TOX: variants seen among roughly 807,000 people sequenced by gnomAD.
TOX encodes the protein thymocyte selection-associated high mobility group box protein TOX.
In TOX, 11 loss-of-function variants were observed where a neutral mutation model predicts 53.7. That is an observed-to-expected ratio of 0.20 (90% CI 0.13 to 0.34). TOX has a LOEUF of 0.34. Ranked by LOEUF, TOX falls within the 10% of genes least tolerant of loss-of-function variation. The pLI is 1.00. For missense variants in TOX, 570 were observed against 664.6 expected, an observed-to-expected ratio of 0.86 and a Z score of 1.56; for synonymous variants, 225 against 245.3, an observed-to-expected ratio of 0.92 and a Z score of 0.77.
intron 3 of TOX, among the ~76,000 whole-genome samples, chr8:58,896,926 T>C (rs1811659262): frequency 6.6e-6 from 1 of 152,242 alleles, no homozygotes; most frequent in Admixed American, 6.5e-5. Flanking sequence ...ATAAGCATTC[T>C]GTCTTAAGTA....
chr8:58,818,259 T>C (rs936514780), intron 6 of TOX, among the ~76,000 whole-genome samples: 1 of 152,190 alleles, frequency 6.6e-6, no homozygotes, highest in Non-Finnish European at 1.5e-5. Context: ...TTTTAATCAC[T>C]AGAATAACTA....
chr8:59,019,416 C>T (rs932300862), intron 1 of TOX, among the ~76,000 whole-genome samples: 1 of 152,070 alleles, frequency 6.6e-6, no homozygotes, highest in Non-Finnish European at 1.5e-5. Flanking sequence ...CCTTTAATGT[C>T]CCACTAGGCA....
chr8:59,098,885 C>T (rs183764440), intron 1 of TOX, among the ~76,000 whole-genome samples: 71 of 152,052 alleles, frequency 4.7e-4, no homozygotes, highest in African/African-American at 1.6e-3. Flanking sequence ...CTTTAATATG[C>T]TCCAGTTGCC....
At chr8:58,895,720 C>A (rs72649495) in intron 3 of TOX, among the ~76,000 whole-genome samples, 11,177 of 152,294 alleles carry the variant, frequency 0.073, 701 homozygotes, top group East Asian at 0.2. Context: ...GCCACAACTC[C>A]ATTTTTCTCT....
At chr8:59,070,837 T>C (rs1282188225) in intron 1 of TOX, among the ~76,000 whole-genome samples, 1 of 152,146 alleles carries the variant, frequency 6.6e-6, no homozygotes, top group Non-Finnish European at 1.5e-5. Flanking sequence ...GAGGTAAGAA[T>C]GTACAATTAC....
At chr8:59,037,202 G>T (rs1803481855) in intron 1 of TOX, among the ~76,000 whole-genome samples, 2 of 148,916 alleles carry the variant, frequency 1.3e-5, no homozygotes, top group Non-Finnish European at 1.5e-5. Flanking sequence ...CTTTATCTTG[G>T]CCCTCTCTGT....
chr8:59,033,869 T>C (rs1250035693), intron 1 of TOX, among the ~76,000 whole-genome samples: 1 of 152,190 alleles, frequency 6.6e-6, no homozygotes, highest in East Asian at 1.9e-4. Flanking sequence ...GCTGCTCCTG[T>C]GACCTTAGCA....
chr8:58,851,623 G>T lies in TOX; in HGVS notation c.594C>A (p.Ser198Arg). The change falls in exon 4 of 9, where the codon AGC (serine) becomes AGA (arginine). Residue 198 changes from serine to arginine, a missense_variant. By Grantham distance (110) the Ser-to-Arg change is moderately radical. Coordinates refer to ENST00000361421, the MANE Select transcript of TOX (RefSeq NM_014729.3). This position sits in a 1 kb window ranked among gnomAD's most constrained non-coding sequence, Gnocchi z 4.4. ...SAQLGLNMGG[S>R]NVPHNSPSPP... Reference sequence around the variant, plus strand: ...GAGATGGTGAGTTGTGGGGAACATTGCTTCCTCCCATATTCAAACCAAGTT... The same window carrying T: ...GAGATGGTGAGTTGTGGGGAACATTTCTTCCTCCCATATTCAAACCAAGTT... 6.2e-7 allele frequency: 1 copy of T among 1,613,554 alleles called. No individual in the cohort carries two copies. The highest frequency in any genetic ancestry group is 1.1e-5 in the South Asian group (1 of 91,076).
chr8:58,984,745 T>C (rs1172143756), intron 1 of TOX, among the ~76,000 whole-genome samples: 2 of 130,810 alleles, frequency 1.5e-5, no homozygotes, highest in African/African-American at 6.0e-5. Flanking sequence ...ACCGCGCCAC[T>C]GCACTCCAGC....
chr8:58,860,666 G>T (rs1487265123), intron 3 of TOX, among the ~76,000 whole-genome samples: 1 of 152,308 alleles, frequency 6.6e-6, no homozygotes, highest in East Asian at 1.9e-4. Context: ...CCAAAAGCTT[G>T]TATCTATGGG....
intron 1 of TOX, among the ~76,000 whole-genome samples, chr8:58,995,208 T>C (rs188719120): frequency 4.9e-4 from 74 of 152,376 alleles, no homozygotes; most frequent in African/African-American, 1.7e-3. Flanking sequence ...TCTTGGAGTA[T>C]AGCATTTATT....
chr8:58,850,296 C>T (rs1203745465), intron 4 of TOX, among the ~76,000 whole-genome samples: 1 of 152,152 alleles, frequency 6.6e-6, no homozygotes, highest in South Asian at 2.1e-4. Flanking sequence ...CACAGCAGAG[C>T]CCACAGGGCC....
intron 1 of TOX, among the ~76,000 whole-genome samples, chr8:58,975,722 G>A (rs1471299935): frequency 6.6e-6 from 1 of 152,154 alleles, no homozygotes. Context: ...GTTGATGACT[G>A]CTGACTGATC....
intron 3 of TOX, among the ~76,000 whole-genome samples, chr8:58,876,031 A>C (rs1022712094): frequency 1.3e-5 from 2 of 152,228 alleles, no homozygotes; most frequent in African/African-American, 4.8e-5. Flanking sequence ...TAGAATATTT[A>C]ATAAAGTTTC....
chr8:59,009,670 C>A (rs1443483589), intron 1 of TOX, among the ~76,000 whole-genome samples: 1 of 152,184 alleles, frequency 6.6e-6, no homozygotes, highest in Admixed American at 6.5e-5. Flanking sequence ...CCACGCCCGG[C>A]CATCCTCTCC....
At position 59,018,825 on chromosome 8, in the gene TOX, T is replaced by G. The variant is rs1001626207; in HGVS notation, c.103-58817A>C. ...AAAAAAACCCCTAAATTTTAGGGAA[T>G]AGCCTCAACAATCCCACTATGACTA... is the stretch of plus-strand genomic sequence containing the variant. On this transcript the variant is annotated intron_variant, in intron 1 of 8. Coordinates refer to ENST00000361421, the MANE Select transcript of TOX (RefSeq NM_014729.3). Among the ~76,000 whole-genome samples, 16 of 152,158 alleles carry G rather than the reference T, an allele frequency of 1.1e-4. 1 individual carries two copies. The highest frequency in any genetic ancestry group is 9.8e-4 in the Admixed American group (15 of 15,282).
At chr8:58,844,166 C>T (rs1165106629) in intron 4 of TOX, among the ~76,000 whole-genome samples, 2 of 152,110 alleles carry the variant, frequency 1.3e-5, no homozygotes, top group African/African-American at 2.4e-5. Flanking sequence ...AGCACTGTCT[C>T]GTAAAATTTT....
intron 1 of TOX, among the ~76,000 whole-genome samples, chr8:59,040,617 T>C (rs1350258058): frequency 6.6e-6 from 1 of 152,248 alleles, no homozygotes; most frequent in African/African-American, 2.4e-5. Context: ...ATCAACCTCA[T>C]GCCCTAGCCA....
chr8:58,934,625 T>G (rs1563393839), intron 3 of TOX, among the ~76,000 whole-genome samples: 1 of 152,192 alleles, frequency 6.6e-6, no homozygotes, highest in Non-Finnish European at 1.5e-5. Flanking sequence ...AGACACCCAG[T>G]AAAGGGTAAA....
Sources: allele counts gnomAD v4.1 joint callset (sites outside exome capture counted in the v4.1 genomes callset), GRCh38; gene constraint gnomAD v4.1.1; non-coding constraint Gnocchi (gnomAD v3.1); transcripts MANE v1.5; gene names NCBI Gene and HGNC (gene_info 2026-07-23, HGNC 2026-07-21).